DIAPH2: variants seen among roughly 807,000 people sequenced by gnomAD.
DIAPH2 encodes the protein diaphanous related formin 2.
A neutral mutation model predicts 92.7 loss-of-function variants in DIAPH2; 35 were observed. The observed-to-expected ratio is 0.38, with a 90% CI of 0.29 to 0.50. The LOEUF (loss-of-function observed/expected upper bound fraction) is 0.50, where lower values mean the gene tolerates loss of function less well. DIAPH2 is among the 20% of genes least tolerant of loss of function. DIAPH2 has a pLI of 0.94. For missense variants in DIAPH2, 701 were observed against 819.5 expected (o/e 0.86, Z 1.77); for synonymous variants, 301 against 280.4 (o/e 1.07, Z -0.73).
intron 23 of DIAPH2, among the ~76,000 whole-genome samples, chrX:97,263,119 C>G (rs1311236632): frequency 3.6e-5 from 4 of 112,368 alleles, no homozygotes; most frequent in Non-Finnish European, 7.5e-5. Flanking sequence ...AGACTCATAT[C>G]ATGCATCTAT....
At chrX:97,321,366 T>C (rs1401847834) in intron 23 of DIAPH2, among the ~76,000 whole-genome samples, 1 of 110,580 alleles carries the variant, frequency 9.0e-6, no homozygotes, top group Non-Finnish European at 1.9e-5. Flanking sequence ...AAAAGGTGTT[T>C]ATTATTATCA....
intron 26 of DIAPH2, among the ~76,000 whole-genome samples, chrX:97,532,874 C>G (rs2071069531): frequency 8.9e-6 from 1 of 111,994 alleles, no homozygotes. Context: ...TGGGCAATCC[C>G]AGAGACTGGA....
At chrX:97,252,080 T>C (rs1231004063) in intron 23 of DIAPH2, among the ~76,000 whole-genome samples, 1 of 112,402 alleles carries the variant, frequency 8.9e-6, no homozygotes, top group Non-Finnish European at 1.9e-5. Flanking sequence ...CTTTTAAATA[T>C]GTGTTGTGGT....
intron 26 of DIAPH2, among the ~76,000 whole-genome samples, chrX:97,491,686 G>A (rs763455708): frequency 2.5e-4 from 28 of 111,987 alleles, no homozygotes; most frequent in Admixed American, 7.6e-4. Flanking sequence ...GTGAGCCACC[G>A]CACCAGGCCT....
At chrX:97,356,026 A>G (rs779317000) in intron 24 of DIAPH2, among the ~76,000 whole-genome samples, 3 of 111,736 alleles carry the variant, frequency 2.7e-5, no homozygotes, top group Non-Finnish European at 5.6e-5. Context: ...GAAAATGCCT[A>G]TGTGTGGGCC....
intron 4 of DIAPH2, among the ~76,000 whole-genome samples, chrX:96,790,531 G>A (rs1209299890): frequency 3.6e-5 from 4 of 111,343 alleles, no homozygotes; most frequent in Non-Finnish European, 7.5e-5. Context: ...TGTTGCTTTT[G>A]GAAGAACAAT....
At chrX:97,595,405 G>C (rs1181913578) in intron 26 of DIAPH2, among the ~76,000 whole-genome samples, 1 of 112,079 alleles carries the variant, frequency 8.9e-6, no homozygotes, top group African/African-American at 3.2e-5. Context: ...TGACAGCAGG[G>C]AAAGCCTTGA....
At chrX:96,861,226 A>C (rs905785312) in intron 4 of DIAPH2, among the ~76,000 whole-genome samples, 12 of 111,535 alleles carry the variant, frequency 1.1e-4, no homozygotes, top group African/African-American at 3.9e-4. Context: ...GGAGGTTAAA[A>C]AAATCTATTA....
chrX:97,403,509 A>T (rs1276603800), intron 25 of DIAPH2, among the ~76,000 whole-genome samples: 1 of 112,213 alleles, frequency 8.9e-6, no homozygotes, highest in African/African-American at 3.2e-5. Context: ...TTTGCCGATG[A>T]GATTCCCATT....
chrX:97,586,614 A>C (rs6620310), intron 26 of DIAPH2, among the ~76,000 whole-genome samples: 3 of 110,656 alleles, frequency 2.7e-5, no homozygotes, highest in Admixed American at 9.6e-5. Context: ...TTTTTACCTC[A>C]TATTTTCTCT....
chrX:97,247,530 C>T (rs2068152014), intron 22 of DIAPH2, among the ~76,000 whole-genome samples, 185 bp from the exon 23 acceptor site: 1 of 110,881 alleles, frequency 9.0e-6, no homozygotes, highest in South Asian at 3.8e-4. Context: ...TACTGTATTA[C>T]ACATTTTCAT....
chrX:96,777,167 A>G (rs2064382624), intron 4 of DIAPH2, among the ~76,000 whole-genome samples: 1 of 111,881 alleles, frequency 8.9e-6, no homozygotes, highest in Non-Finnish European at 1.9e-5. Flanking sequence ...GAAGCATTTT[A>G]TGCCTTGAAT....
intron 17 of DIAPH2, among the ~76,000 whole-genome samples, chrX:96,967,501 C>G (rs2065901191): frequency 9.1e-6 from 1 of 109,773 alleles, no homozygotes; most frequent in Non-Finnish European, 1.9e-5. Flanking sequence ...CTCACTGCAA[C>G]CTCCGCCTCC....
chrX:97,219,810 C>T (rs1017471084), intron 22 of DIAPH2, among the ~76,000 whole-genome samples: 1 of 111,760 alleles, frequency 8.9e-6, no homozygotes, highest in Non-Finnish European at 1.9e-5. Flanking sequence ...ATTTCTGCAC[C>T]TTCATTTTTC....
intron 21 of DIAPH2, among the ~76,000 whole-genome samples, chrX:97,122,782 A>AT (rs2067066808): frequency 9.0e-6 from 1 of 110,510 alleles, no homozygotes; most frequent in Non-Finnish European, 1.9e-5. Context: ...CCAAACTTTT[A>AT]TTTTTCTCCT....
At chrX:96,833,115 G>A (rs1169821566) in intron 4 of DIAPH2, among the ~76,000 whole-genome samples, 1 of 110,407 alleles carries the variant, frequency 9.1e-6, no homozygotes, top group Admixed American at 9.8e-5. Context: ...AAAATTCCTT[G>A]GAAATGCCTA....
Position 97,352,140 on chromosome X carries a change from G to C in DIAPH2, c.3009+3860G>C, listed in dbSNP as rs746942211. On this transcript the variant is annotated intron_variant, in intron 24 of 26. Transcript: ENST00000324765. ...TATAGATGGAAGCAATAAAATACCA[G>C]TAGTGCTGAGAAGAAAATAAGAGTT... Among the ~76,000 whole-genome samples the C allele has an allele frequency of 7.2e-5, 8 of 111,038 alleles. No individual in the cohort carries two copies. The East Asian group carries it at 2.3e-3, about 31-fold the overall frequency.
intron 4 of DIAPH2, among the ~76,000 whole-genome samples, chrX:96,856,393 T>G (rs886181249): frequency 9.1e-6 from 1 of 109,985 alleles, no homozygotes; most frequent in Admixed American, 9.8e-5. Flanking sequence ...ATAAATTGTA[T>G]GCCTGCTAAA....
intron 17 of DIAPH2, among the ~76,000 whole-genome samples, chrX:96,999,177 C>A (rs919545944): frequency 1.3e-4 from 14 of 110,904 alleles, no homozygotes; most frequent in African/African-American, 4.6e-4. Flanking sequence ...AACTGTGGGC[C>A]AGTAATAAAT....
Sources: gnomAD v4.1 joint callset for allele counts (sites outside exome capture counted in the v4.1 genomes callset) on GRCh38, gnomAD v4.1.1 for gene constraint, MANE v1.5 for transcripts, NCBI Gene and HGNC (gene_info 2026-07-23, HGNC 2026-07-21) for gene names.